CCDC7: variants seen among roughly 807,000 people sequenced by gnomAD.
CCDC7 encodes the protein coiled-coil domain containing 7.
CCDC7 carries 183 observed loss-of-function variants against 196.9 expected under a neutral mutation model. The observed-to-expected ratio is 0.93, with a 90% CI of 0.82 to 1.05. The LOEUF is 1.05. Ranked by LOEUF, CCDC7 falls within the 50% of genes least tolerant of loss-of-function variation. The probability of loss-of-function intolerance (pLI) is 0.00; values close to 1 mark genes in which losing one functional copy is unlikely to be tolerated. For missense variants in CCDC7, 1,540 were observed against 1,482.2 expected, an observed-to-expected ratio of 1.04 and a Z score of -0.64; for synonymous variants, 525 against 484.6, an observed-to-expected ratio of 1.08 and a Z score of -1.10.
chr10:32,740,151 C>T (rs902314846), intron 28 of CCDC7, among the ~76,000 whole-genome samples: 4 of 152,138 alleles, frequency 2.6e-5, no homozygotes, highest in African/African-American at 7.2e-5. Context: ...TTCCCTTCCC[C>T]GTGTTGAAGG....
intron 28 of CCDC7, among the ~76,000 whole-genome samples, chr10:32,764,584 G>A (rs140776735): frequency 1.8e-3 from 270 of 151,994 alleles, no homozygotes; most frequent in Middle Eastern, 0.014. Context: ...CAGAATTGCC[G>A]TGGTTTACTG....
chr10:32,450,200 G>A (rs757264687), upstream of CCDC7, among the ~76,000 whole-genome samples: 3 of 152,128 alleles, frequency 2.0e-5, no homozygotes, highest in Non-Finnish European at 4.4e-5. Context: ...ATCTTTCATT[G>A]GTTTTTACAA....
At chr10:32,788,933 G>A (rs942383708) in intron 29 of CCDC7, among the ~76,000 whole-genome samples, 3 of 152,134 alleles carry the variant, frequency 2.0e-5, no homozygotes, top group African/African-American at 7.2e-5. Flanking sequence ...AGCCAATGTG[G>A]ACCCAGGCTC....
intron 25 of CCDC7, 149 bp downstream of exon 26, chr10:32,711,879 A>G (rs1226807299): frequency 1.5e-5 from 7 of 452,396 alleles, no homozygotes; most frequent in African/African-American, 1.0e-4. Flanking sequence ...AAGAAAGAAA[A>G]CAAAGATAAT....
intron 9 of CCDC7, chr10:32,499,216 A>G (rs2043454464): frequency 6.6e-6 from 1 of 151,026 alleles, no homozygotes; most frequent in Non-Finnish European, 1.5e-5. Flanking sequence ...CCTGTCTTCT[A>G]TTACTCATGT....
chr10:32,826,859 G>A (rs1431337104), intron 32 of CCDC7, among the ~76,000 whole-genome samples: 1 of 152,234 alleles, frequency 6.6e-6, no homozygotes, highest in East Asian at 1.9e-4. Flanking sequence ...ACTCTTCATG[G>A]AAGGAGAAAT....
At chr10:32,870,274 T>C (rs897267112) in intron 41 of CCDC7, among the ~76,000 whole-genome samples, 3 of 152,192 alleles carry the variant, frequency 2.0e-5, no homozygotes, top group African/African-American at 7.2e-5. Flanking sequence ...TTTATTTCAC[T>C]GAGCAGTGGT....
intron 20 of CCDC7, among the ~76,000 whole-genome samples, chr10:32,658,919 A>G (rs530383999): frequency 2.6e-5 from 4 of 152,152 alleles, no homozygotes; most frequent in Middle Eastern, 6.8e-3. Context: ...AATTGTATTT[A>G]TTTGAATTTT....
intron 30 of CCDC7, 63 bp from the exon 32 acceptor site, chr10:32,814,307 C>T: frequency 8.7e-7 from 1 of 1,151,586 alleles, no homozygotes; most frequent in Non-Finnish European, 1.3e-6. Context: ...CATGCACTCA[C>T]ACTGTCACAT....
At chr10:32,452,502 G>C (rs969467235) in intron 1 of CCDC7, among the ~76,000 whole-genome samples, 4 of 152,232 alleles carry the variant, frequency 2.6e-5, no homozygotes, top group Non-Finnish European at 5.9e-5. Context: ...CTTTCGCCCA[G>C]GCTGGAGTGC....
intron 21 of CCDC7, among the ~76,000 whole-genome samples, chr10:32,667,249 T>A (rs1348010400): frequency 6.6e-6 from 1 of 152,290 alleles, no homozygotes; most frequent in Admixed American, 6.5e-5. Flanking sequence ...GTTTAAGTTC[T>A]TTGTAGATTT....
intron 3 of CCDC7, among the ~76,000 whole-genome samples, chr10:32,457,818 A>C (rs1337188107): frequency 6.6e-6 from 1 of 151,550 alleles, no homozygotes; most frequent in African/African-American, 2.4e-5. Context: ...CTTTTTAGCC[A>C]TTTGTGTATC....
intron 28 of CCDC7, among the ~76,000 whole-genome samples, chr10:32,731,996 T>A (rs1346358690): frequency 2.0e-5 from 3 of 152,142 alleles, no homozygotes; most frequent in Non-Finnish European, 4.4e-5. Flanking sequence ...CAGGTTGCAG[T>A]GAGCTGAATC....
intron 41 of CCDC7, among the ~76,000 whole-genome samples, chr10:32,867,684 A>G (rs2094252947): frequency 6.6e-6 from 1 of 151,796 alleles, no homozygotes; most frequent in Non-Finnish European, 1.5e-5. Context: ...GTCTATTGTT[A>G]CTAAATAGAA....
chr10:32,721,983 C>T (rs1010961956), intron 25 of CCDC7, among the ~76,000 whole-genome samples: 1 of 152,086 alleles, frequency 6.6e-6, no homozygotes, highest in African/African-American at 2.4e-5. Flanking sequence ...AATGAACTAC[C>T]AATAATCAAT....
intron 5 of CCDC7, among the ~76,000 whole-genome samples, chr10:32,463,789 C>T: frequency 6.6e-6 from 1 of 152,134 alleles, no homozygotes. Flanking sequence ...CTAGCATCTT[C>T]TCATTGTTTT....
In CCDC7 at chr10:32,634,156, G is replaced by A. The variant is rs909409319; in HGVS notation, c.1802-98G>A. On this transcript the variant is annotated intron_variant, in intron 18 of 41. Transcript: ENST00000639629. Reference sequence around the variant, plus strand: ...TACTCATGACTTTATGAGAATGAGAGAAAATGCTGCTGTGTACATGTTTAA... The same window carrying A: ...TACTCATGACTTTATGAGAATGAGAAAAAATGCTGCTGTGTACATGTTTAA... 3.3e-5 allele frequency: 15 copies of A among 450,596 alleles called. No homozygotes were observed. The Admixed American group carries it at 4.9e-4, about 15-fold the overall frequency. The allele number at this position is 450,596 out of a possible 1,614,324, so 27.9% of individuals were successfully genotyped here.
chr10:32,651,559 G>A (rs1392194573), intron 20 of CCDC7, among the ~76,000 whole-genome samples: 1 of 152,128 alleles, frequency 6.6e-6, no homozygotes, highest in African/African-American at 2.4e-5. Flanking sequence ...ATAAACTGGA[G>A]AGCGGTTTCT....
At chr10:32,828,555 G>GAAGAAGAAA (rs2091740878) in intron 32 of CCDC7, among the ~76,000 whole-genome samples, 2 of 147,772 alleles carry the variant, frequency 1.4e-5, no homozygotes, top group Admixed American at 6.8e-5. Flanking sequence ...AGAAGAAGAA[G>GAAGAAGAAA]AAGAAAGAAG....
Sources: allele counts gnomAD v4.1 joint callset (sites outside exome capture counted in the v4.1 genomes callset), GRCh38; gene constraint gnomAD v4.1.1; transcripts MANE v1.5; gene names NCBI Gene and HGNC (gene_info 2026-07-23, HGNC 2026-07-21).